The following METTL15 variants were observed in gnomAD, a reference collection of about 807,000 sequenced individuals.
METTL15 encodes methyltransferase 15, mitochondrial 12S rRNA N4-cytidine, also known as 12S rRNA N(4)-cytidine methyltransferase METTL15.
In METTL15, 34 loss-of-function variants were observed where a neutral mutation model predicts 38.3. That is an observed-to-expected ratio of 0.89 (90% confidence interval 0.68 to 1.18). The LOEUF (loss-of-function observed/expected upper bound fraction) is 1.18, where lower values mean the gene tolerates loss of function less well. Among genes scored for constraint, METTL15 ranks in the 50% most tolerant of loss-of-function variants. The pLI is 0.00. For synonymous variants in METTL15, 162 were observed against 170.9 expected, an observed-to-expected ratio of 0.95 and a Z score of 0.41; for missense variants, 438 against 498.4, an observed-to-expected ratio of 0.88 and a Z score of 1.15.
At chr11:28,374,832 T>A (rs1239757217) in intron 5 of METTL15, among the ~76,000 whole-genome samples, 5 of 150,684 alleles carry the variant, frequency 3.3e-5, no homozygotes, top group Non-Finnish European at 7.4e-5. Flanking sequence ...TATTTTGAAA[T>A]ACGTCCCATC....
At chr11:28,148,287 C>G (rs538771695) in intron 3 of METTL15, among the ~76,000 whole-genome samples, 15 of 151,922 alleles carry the variant, frequency 9.9e-5, no homozygotes, top group African/African-American at 3.6e-4. Context: ...TTTATGATAC[C>G]TAAAAGTCAG....
chr11:28,391,426 G>A (rs1248067850), intron 5 of METTL15, among the ~76,000 whole-genome samples: 1 of 152,030 alleles, frequency 6.6e-6, no homozygotes, highest in Non-Finnish European at 1.5e-5. Flanking sequence ...TTTATTGAGA[G>A]TTTTTAGCAT....
chr11:28,504,311 C>T (rs1851609733), intron 6 of METTL15, among the ~76,000 whole-genome samples: 2 of 151,478 alleles, frequency 1.3e-5, no homozygotes, highest in East Asian at 3.9e-4. Flanking sequence ...CATACTACAA[C>T]TTGAGCTAGT....
At chr11:28,122,333 A>ATATG (rs368603716) in intron 3 of METTL15, among the ~76,000 whole-genome samples, 3,530 of 111,732 alleles carry the variant, frequency 0.032, 85 homozygotes, top group East Asian at 0.17. Context: ...ATGTGTGTAT[A>ATATG]TGTGTGTGTG....
chr11:28,389,138 A>G (rs2133391574), intron 5 of METTL15, among the ~76,000 whole-genome samples: 1 of 152,066 alleles, frequency 6.6e-6, no homozygotes, highest in East Asian at 1.9e-4. Flanking sequence ...GCCTCAATAA[A>G]CATACGTGTG....
chr11:28,375,549 TTCTC>T (rs562936774), intron 5 of METTL15, among the ~76,000 whole-genome samples: 191 of 152,286 alleles, frequency 1.3e-3, no homozygotes, highest in Non-Finnish European at 1.9e-3. Context: ...TATTTGATTC[TTCTC>T]TCTTTTTTTC....
chr11:28,117,659 A>C (rs989124196), intron 3 of METTL15, among the ~76,000 whole-genome samples: 1 of 152,130 alleles, frequency 6.6e-6, no homozygotes, highest in Non-Finnish European at 1.5e-5. Context: ...GTAACTTTTT[A>C]TAAGAAGTTT....
intron 6 of METTL15, among the ~76,000 whole-genome samples, chr11:28,503,990 G>T (rs1400752545): frequency 6.6e-6 from 1 of 151,706 alleles, no homozygotes; most frequent in Non-Finnish European, 1.5e-5. Context: ...GAGGTCAGGA[G>T]TTCAAGACCA....
intron 6 of METTL15, among the ~76,000 whole-genome samples, chr11:28,511,113 C>T (rs1004036890): frequency 4.6e-5 from 7 of 152,114 alleles, no homozygotes; most frequent in African/African-American, 1.7e-4. Flanking sequence ...TACACATGTA[C>T]GCACTCATAT....
chr11:28,258,793 G>C (rs150994681), intron 4 of METTL15, among the ~76,000 whole-genome samples: 295 of 152,258 alleles, frequency 1.9e-3, no homozygotes, highest in Middle Eastern at 6.8e-3. Context: ...CTTTGGCCCA[G>C]AGCAGATCCA....
chr11:28,470,285 C>G (rs992768967), intron 6 of METTL15, among the ~76,000 whole-genome samples: 2 of 152,116 alleles, frequency 1.3e-5, no homozygotes, highest in African/African-American at 4.8e-5. Flanking sequence ...AATCTTTTTA[C>G]ATAGTAATAG....
chr11:28,178,371 C>A (rs1049679677), intron 3 of METTL15, among the ~76,000 whole-genome samples: 1 of 151,806 alleles, frequency 6.6e-6, no homozygotes, highest in Admixed American at 6.6e-5. Context: ...ACTTTGTCTC[C>A]ATTTTGGGTA....
intron 6 of METTL15, among the ~76,000 whole-genome samples, chr11:28,479,909 T>C (rs1735436444): frequency 6.6e-6 from 1 of 152,212 alleles, no homozygotes; most frequent in African/African-American, 2.4e-5. Context: ...CAAAGTGCTT[T>C]TGTTGATTTT....
intron 6 of METTL15, among the ~76,000 whole-genome samples, chr11:28,512,391 C>T (rs946363866): frequency 2.6e-5 from 4 of 152,204 alleles, no homozygotes; most frequent in African/African-American, 4.8e-5. Context: ...GGGAGCAGCG[C>T]TCATCAGGGA....
At chr11:28,290,103 A>T in intron 4 of METTL15, 103 bp from the exon 5 acceptor site, 1 of 954,632 alleles carries the variant, frequency 1.0e-6, no homozygotes, top group Non-Finnish European at 1.5e-6. Flanking sequence ...TATATCGGTT[A>T]AATCATGTAA....
chr11:28,348,728 GTATGTATT>G lies in METTL15; in HGVS notation c.*190-3358_*190-3351del, dbSNP rs1326740109. The stretch of plus-strand genomic sequence containing the variant: ...TGTATGTATGTATGTATGTATGTAT[GTATGTATT>G]TATATCATTGGGGTACTAGATTATT... On this transcript the variant is annotated intron_variant and NMD_transcript_variant, in intron 3 of 7. Transcript: ENST00000532947. Among the ~76,000 whole-genome samples the G allele has an allele frequency of 3.4e-3, 475 of 140,574 alleles. 4 individuals carry two copies. Among genetic ancestry groups the G allele is most frequent in the African/African-American group, 7.4e-3 (258 of 34,800 alleles). The allele number at this position is 140,574 out of a possible 152,430, so 92.2% of individuals were successfully genotyped here.
At chr11:28,510,342 A>T (rs1851664250) in intron 6 of METTL15, among the ~76,000 whole-genome samples, 1 of 152,296 alleles carries the variant, frequency 6.6e-6, no homozygotes, top group African/African-American at 2.4e-5. Flanking sequence ...CTGTTTGTTT[A>T]TTTTCCTTTG....
At chr11:28,489,278 G>A (rs921884993) in intron 6 of METTL15, among the ~76,000 whole-genome samples, 5 of 152,064 alleles carry the variant, frequency 3.3e-5, no homozygotes, top group African/African-American at 1.2e-4. Flanking sequence ...TTGATTAATT[G>A]AACTTGTGAT....
chr11:28,269,693 C>A (rs1365145505), intron 4 of METTL15, among the ~76,000 whole-genome samples: 1 of 152,132 alleles, frequency 6.6e-6, no homozygotes, highest in Admixed American at 6.5e-5. Context: ...GGGGCAATAC[C>A]ATTTTGTACA....
Sources: allele counts gnomAD v4.1 joint callset (sites outside exome capture counted in the v4.1 genomes callset), GRCh38; gene constraint gnomAD v4.1.1; transcripts MANE v1.5; gene names NCBI Gene and HGNC (gene_info 2026-07-23, HGNC 2026-07-21).